The following ARHGEF6 variants were observed in gnomAD, a reference collection of about 807,000 sequenced individuals.
ARHGEF6 encodes the protein Rac/Cdc42 guanine nucleotide exchange factor 6, also known as rho guanine nucleotide exchange factor 6.
Under a neutral mutation model 70.3 loss-of-function variants are expected in ARHGEF6, and 9 were observed. The observed-to-expected ratio is 0.13, with a 90% CI of 0.08 to 0.22. The LOEUF is 0.22. ARHGEF6 is among the 10% of genes least tolerant of loss of function. ARHGEF6 has a pLI of 1.00. For synonymous variants in ARHGEF6, 201 were observed against 207.8 expected, an observed-to-expected ratio of 0.97 and a Z score of 0.28; for missense variants, 470 against 563.0, an observed-to-expected ratio of 0.83 and a Z score of 1.67.
chrX:136,711,667 A>G (rs1054196409), intron 7 of ARHGEF6, among the ~76,000 whole-genome samples: 2 of 111,439 alleles, frequency 1.8e-5, no homozygotes, highest in Admixed American at 1.9e-4. Flanking sequence ...AGTTCAAGCG[A>G]TTCTCCTGCC....
At chrX:136,672,360 GA>G (rs1161672720) in intron 19 of ARHGEF6, among the ~76,000 whole-genome samples, 14 of 111,292 alleles carry the variant, frequency 1.3e-4, no homozygotes, top group Non-Finnish European at 2.5e-4. Flanking sequence ...TTTGTATTCA[GA>G]AAAATAATGC....
intron 2 of ARHGEF6, among the ~76,000 whole-genome samples, chrX:136,765,006 G>A (rs926743681): frequency 1.8e-5 from 2 of 111,818 alleles, no homozygotes; most frequent in African/African-American, 6.5e-5. Flanking sequence ...CTAGCACAAG[G>A]CAAAGGGAAT....
At chrX:136,723,136 G>A (rs1250392450) in intron 6 of ARHGEF6, among the ~76,000 whole-genome samples, 1 of 112,094 alleles carries the variant, frequency 8.9e-6, no homozygotes, top group Admixed American at 9.5e-5. Context: ...GGTTGCCAAG[G>A]GCTGGAGGGA....
intron 18 of ARHGEF6, 21 bp from the exon 19 acceptor site, chrX:136,675,117 T>C (rs1237091247): frequency 8.6e-7 from 1 of 1,167,166 alleles, no homozygotes; most frequent in Non-Finnish European, 1.2e-6. Context: ...TAATTCATCA[T>C]GACTTTTCAT....
At chrX:136,766,981 C>T (rs1830631864) in intron 2 of ARHGEF6, among the ~76,000 whole-genome samples, 1 of 112,251 alleles carries the variant, frequency 8.9e-6, no homozygotes, top group Non-Finnish European at 1.9e-5. Context: ...TGGATCTCAG[C>T]GAACTGTGAG....
chrX:136,726,841 ATTAC>A (rs2076857753), intron 6 of ARHGEF6, among the ~76,000 whole-genome samples: 1 of 112,806 alleles, frequency 8.9e-6, no homozygotes, highest in African/African-American at 3.2e-5. Context: ...GAATATTAGG[ATTAC>A]TGTGAGTCTG....
chrX:136,764,846 G>A (rs1424282379), intron 2 of ARHGEF6, among the ~76,000 whole-genome samples: 4 of 111,812 alleles, frequency 3.6e-5, no homozygotes, highest in Non-Finnish European at 5.6e-5. Context: ...GCCTCATTGC[G>A]GACCAATTAA....
Position 136,720,356 on chromosome X carries a change from A to G in ARHGEF6, c.733-6986T>C, listed in dbSNP as rs186188641. ...TTCCAAAAAATCACTAATGTAATCT[A>G]TCACATCAACAGGCTAGAGAAGGAA... On this transcript the variant is annotated intron_variant, in intron 6 of 21. Coordinates refer to ENST00000250617, the MANE Select transcript of ARHGEF6 (RefSeq NM_004840.3). Among the ~76,000 whole-genome samples, 131 of 112,167 alleles carry G rather than the reference A, an allele frequency of 1.2e-3. 2 individuals carry two copies. Among genetic ancestry groups the G allele is most frequent in the African/African-American group, 4.1e-3 (126 of 30,964 alleles).
At chrX:136,691,327 A>G (rs2076456000) in intron 9 of ARHGEF6, among the ~76,000 whole-genome samples, 1 of 111,678 alleles carries the variant, frequency 9.0e-6, no homozygotes, top group South Asian at 3.8e-4. Flanking sequence ...CAATATCAAA[A>G]ACCAGTGAAG....
At chrX:136,704,219 A>T (rs181597926) in intron 9 of ARHGEF6, among the ~76,000 whole-genome samples, 6 of 112,514 alleles carry the variant, frequency 5.3e-5, no homozygotes, top group Admixed American at 1.9e-4. Flanking sequence ...GTTACTGGGG[A>T]CAGGTTTTTA....
At chrX:136,686,594 G>GTATA (rs770923374) in intron 11 of ARHGEF6, among the ~76,000 whole-genome samples, 6,338 of 56,856 alleles carry the variant, frequency 0.11, 353 homozygotes, top group East Asian at 0.16. Flanking sequence ...GTATGTGTGT[G>GTATA]TATATATATA....
chrX:136,746,363 G>T (rs778948242), intron 3 of ARHGEF6, among the ~76,000 whole-genome samples: 1 of 112,057 alleles, frequency 8.9e-6, no homozygotes, highest in East Asian at 2.8e-4. Context: ...TAGCTCAAAA[G>T]CATTTTTTTT....
At chrX:136,675,330 G>A (rs1264528864) in intron 18 of ARHGEF6, among the ~76,000 whole-genome samples, 2 of 106,633 alleles carry the variant, frequency 1.9e-5, no homozygotes, top group Non-Finnish European at 3.9e-5. Flanking sequence ...GAAGCCCAGA[G>A]CTCTACACTG....
chrX:136,766,308 T>C (rs1370823694), intron 2 of ARHGEF6, among the ~76,000 whole-genome samples: 1 of 111,047 alleles, frequency 9.0e-6, no homozygotes. Flanking sequence ...AAAAAACAGT[T>C]TGAACCTTTG....
At chrX:136,674,023 C>T (rs1452079930) in intron 19 of ARHGEF6, among the ~76,000 whole-genome samples, 7 of 111,409 alleles carry the variant, frequency 6.3e-5, no homozygotes, top group Non-Finnish European at 1.3e-4. Context: ...TGCGCCATCA[C>T]ACCCGGCTAA....
chrX:136,687,637 G>A (rs1272794797), intron 11 of ARHGEF6, among the ~76,000 whole-genome samples: 1 of 111,705 alleles, frequency 9.0e-6, no homozygotes, highest in Non-Finnish European at 1.9e-5. Flanking sequence ...GAGCAATGGG[G>A]GTAAAGACAA....
chrX:136,767,636 G>A, intron 2 of ARHGEF6: 1 of 754,483 alleles, frequency 1.3e-6, no homozygotes. Context: ...GGTGGCGAGT[G>A]GAGGGGAGCG....
intron 9 of ARHGEF6, among the ~76,000 whole-genome samples, chrX:136,703,267 G>A (rs2148610832): frequency 8.9e-6 from 1 of 111,840 alleles, no homozygotes; most frequent in East Asian, 2.8e-4. Context: ...AAATTTTTGT[G>A]CTTCAGAGAA....
At chrX:136,741,212 A>T (rs1247352270) in intron 5 of ARHGEF6, among the ~76,000 whole-genome samples, 1 of 111,806 alleles carries the variant, frequency 8.9e-6, no homozygotes, top group African/African-American at 3.3e-5. Context: ...AGAGAAGAGG[A>T]ACTTTCATTA....
Sources: gnomAD v4.1 joint callset for allele counts (sites outside exome capture counted in the v4.1 genomes callset) on GRCh38, gnomAD v4.1.1 for gene constraint, MANE v1.5 for transcripts, NCBI Gene and HGNC (gene_info 2026-07-23, HGNC 2026-07-21) for gene names.